The following SLC35G2 variants were observed in gnomAD, a reference collection of about 807,000 sequenced individuals.
The protein encoded by SLC35G2 is solute carrier family 35 member G2.
In SLC35G2, 20 loss-of-function variants were observed where a neutral mutation model predicts 27.2. The observed-to-expected ratio is 0.74, with a 90% CI of 0.52 to 1.07. The LOEUF (loss-of-function observed/expected upper bound fraction) is 1.07. SLC35G2 is among the 50% of genes least tolerant of loss of function. The pLI is 0.00. For synonymous variants in SLC35G2, 148 were observed against 165.3 expected (o/e 0.90, Z 0.80); for missense variants, 416 against 493.3 (o/e 0.84, Z 1.48).
chr3:136,823,141 T>C (rs996099977), intron 1 of SLC35G2, among the ~76,000 whole-genome samples: 4 of 152,220 alleles, frequency 2.6e-5, no homozygotes, highest in Non-Finnish European at 4.4e-5. Flanking sequence ...TAGTTTTGAT[T>C]TGCATTTTTC....
At chr3:136,845,988 A>G (rs1937359727) in intron 1 of SLC35G2, among the ~76,000 whole-genome samples, 1 of 151,992 alleles carries the variant, frequency 6.6e-6, no homozygotes, top group African/African-American at 2.4e-5. Flanking sequence ...TTTTTGGATG[A>G]GATTTACATT....
chr3:136,849,347 G>C (rs1937534565), intron 1 of SLC35G2, among the ~76,000 whole-genome samples: 1 of 151,498 alleles, frequency 6.6e-6, no homozygotes, highest in Non-Finnish European at 1.5e-5. Context: ...ATTATACTTT[G>C]TAATAATCAT....
intron 1 of SLC35G2, among the ~76,000 whole-genome samples, chr3:136,827,422 A>G (rs1483806824): frequency 6.6e-6 from 1 of 151,958 alleles, no homozygotes; most frequent in East Asian, 1.9e-4. Flanking sequence ...CCATGTTGCC[A>G]AGGCTGGTCT....
At chr3:136,822,619 C>G (rs1444822142) in intron 1 of SLC35G2, among the ~76,000 whole-genome samples, 2 of 152,174 alleles carry the variant, frequency 1.3e-5, no homozygotes, top group African/African-American at 4.8e-5. Context: ...CCAGCGTACT[C>G]TCTATCTCCA....
chr3:136,854,974 G>A lies in SLC35G2; in HGVS notation c.514G>A (p.Gly172Ser), dbSNP rs2108046154. 6.2e-7 allele frequency: 1 copy of A among 1,614,076 alleles called. No individual in the cohort carries two copies. Among genetic ancestry groups the A allele is most frequent in the Non-Finnish European group, 8.5e-7 (1 of 1,180,008 alleles). ...SGYRLRLFFY[G>S]VCNVISITCA... is the part of the protein sequence containing the mutation. ...ATACAGATTACGACTCTTCTTTTATGGTGTATGCAATGTCATTTCTATCAC... is the reference window on the plus strand; with the variant it reads ...ATACAGATTACGACTCTTCTTTTATAGTGTATGCAATGTCATTTCTATCAC... The change falls in exon 2 of 2, where the codon GGT (glycine) becomes AGT (serine). Residue 172 changes from glycine to serine, a missense_variant. Physicochemically the swap from Gly to Ser is moderately conservative, Grantham distance 56. Coordinates refer to ENST00000446465, the MANE Select transcript of SLC35G2 (RefSeq NM_025246.3).
At chr3:136,844,191 A>T (rs1041417877) in intron 1 of SLC35G2, among the ~76,000 whole-genome samples, 2 of 151,672 alleles carry the variant, frequency 1.3e-5, no homozygotes, top group African/African-American at 4.8e-5. Context: ...ACTCCGTCTC[A>T]AAAAGAAGAA....
chr3:136,831,536 G>A (rs865883293), intron 1 of SLC35G2, among the ~76,000 whole-genome samples: 33 of 152,204 alleles, frequency 2.2e-4, no homozygotes, highest in African/African-American at 7.2e-4. Flanking sequence ...CAAGGATGAT[G>A]ACAGAGCCCT....
chr3:136,829,410 C>T lies in SLC35G2; in HGVS notation c.-19+9782C>T, dbSNP rs779725645. 6.6e-5 allele frequency among the ~76,000 whole-genome samples: 10 copies of T among 152,088 alleles called. No homozygotes were observed. In the South Asian group the frequency reaches 1.2e-3, roughly 19 times the overall value. ...CTAATTTTTGTAGTTTTTGTAGAGA[C>T]GGGGTTTCACTATATTGGCCAGGCT... On this transcript the variant is annotated intron_variant, in intron 1 of 1. Transcript: ENST00000446465.
At chr3:136,844,397 G>C (rs1937259131) in intron 1 of SLC35G2, among the ~76,000 whole-genome samples, 1 of 151,282 alleles carries the variant, frequency 6.6e-6, no homozygotes, top group South Asian at 2.1e-4. Context: ...GCTGAGGCAG[G>C]AGAATTGCTT....
chr3:136,855,882 T>C lies in SLC35G2; in HGVS notation c.*183T>C. ...AAATACAAATATTAAATATATGAAA[T>C]ACGTTATGAATCTGGTATCTTTATT... On this transcript the variant is annotated 3_prime_UTR_variant, in exon 2 of 2. Transcript: ENST00000446465. The C allele has an allele frequency of 4.0e-6, 2 of 504,400 alleles. No individual in the cohort carries two copies. The highest frequency in any genetic ancestry group is 2.0e-5 in the African/African-American group (1 of 50,710). 31.2% of individuals were successfully genotyped at this position (504,400 alleles called of 1,614,324 possible). A position where few individuals can be genotyped will look rare whatever the true frequency, so the allele number is the denominator to read the frequency against.
intron 1 of SLC35G2, among the ~76,000 whole-genome samples, chr3:136,844,660 C>T (rs1937279142): frequency 6.7e-6 from 1 of 150,048 alleles, no homozygotes; most frequent in Non-Finnish European, 1.5e-5. Context: ...ATTAGCTGGG[C>T]ATGGTGGCTA....
chr3:136,836,952 G>C (rs567729827), intron 1 of SLC35G2, among the ~76,000 whole-genome samples: 3 of 152,236 alleles, frequency 2.0e-5, no homozygotes, highest in African/African-American at 7.2e-5. Flanking sequence ...TCAGAAATCT[G>C]TTCATGTTTT....
chr3:136,844,820 AAAG>A (rs1560016913), intron 1 of SLC35G2, among the ~76,000 whole-genome samples: 2 of 150,922 alleles, frequency 1.3e-5, no homozygotes, highest in Non-Finnish European at 2.9e-5. Flanking sequence ...AAAAAAAAAA[AAAG>A]AAAACAAGAC....
intron 1 of SLC35G2, among the ~76,000 whole-genome samples, chr3:136,833,728 C>T (rs1936794205): frequency 6.6e-6 from 1 of 152,072 alleles, no homozygotes; most frequent in Non-Finnish European, 1.5e-5. Flanking sequence ...GCTTGCTCTC[C>T]ACTCACCTCC....
At chr3:136,845,866 T>C (rs1247214039) in intron 1 of SLC35G2, among the ~76,000 whole-genome samples, 2 of 150,238 alleles carry the variant, frequency 1.3e-5, no homozygotes, top group Non-Finnish European at 3.0e-5. Flanking sequence ...AGTGCTGGGA[T>C]GACGGGCGTG....
chr3:136,846,946 C>T (rs9823565), intron 1 of SLC35G2, among the ~76,000 whole-genome samples: 103,027 of 151,668 alleles, frequency 0.68, 35,257 homozygotes, highest in East Asian at 0.87. Context: ...GCGAGTGAAT[C>T]ACCTGAGGTC....
intron 1 of SLC35G2, among the ~76,000 whole-genome samples, chr3:136,844,305 C>A (rs1937254475): frequency 6.6e-6 from 1 of 151,410 alleles, no homozygotes; most frequent in Non-Finnish European, 1.5e-5. Context: ...CTGGCTAACA[C>A]AGTGAAACCC....
intron 1 of SLC35G2, among the ~76,000 whole-genome samples, chr3:136,824,197 T>C (rs1936531045): frequency 6.6e-6 from 1 of 152,216 alleles, no homozygotes; most frequent in Non-Finnish European, 1.5e-5. Flanking sequence ...TAACTTTGGC[T>C]ATTCTGGGTC....
intron 1 of SLC35G2, among the ~76,000 whole-genome samples, chr3:136,830,403 C>T (rs978312714): frequency 1.3e-5 from 2 of 152,174 alleles, no homozygotes; most frequent in Admixed American, 1.3e-4. Flanking sequence ...CTGCCTCAGC[C>T]TCCCGAATAG....
Sources: gnomAD v4.1 joint callset for allele counts (sites outside exome capture counted in the v4.1 genomes callset) on GRCh38, gnomAD v4.1.1 for gene constraint, MANE v1.5 for transcripts, NCBI Gene and HGNC (gene_info 2026-07-23, HGNC 2026-07-21) for gene names.